The following SLBP variants were observed in gnomAD, a reference collection of about 807,000 sequenced individuals.
SLBP encodes the protein stem-loop histone mRNA binding protein.
In SLBP, 29 loss-of-function variants were observed where a neutral mutation model predicts 39.2. The observed-to-expected ratio is 0.74, with a 90% CI of 0.55 to 1.01. SLBP has a LOEUF of 1.01. Ranked by LOEUF, SLBP falls within the 50% of genes least tolerant of loss-of-function variation. The pLI, the probability that SLBP is intolerant of heterozygous loss-of-function variation, is 0.00. For synonymous variants in SLBP, 129 were observed against 118.7 expected (o/e 1.09, Z -0.57); for missense variants, 390 against 350.2 (o/e 1.11, Z -0.91).
chr4:1,700,217 C>T, intron 3 of SLBP, 147 bp from the exon 4 acceptor site: 1 of 450,650 alleles, frequency 2.2e-6, no homozygotes, highest in East Asian at 3.3e-5. Context: ...TTGTCAGGTT[C>T]AGTTTAAGTA....
Position 1,700,826 on chromosome 4 carries a change from A to G in SLBP, c.282-756T>C, listed in dbSNP as rs142331926. On this transcript the variant is annotated intron_variant, in intron 3 of 7. Coordinates refer to ENST00000489418, the MANE Select transcript of SLBP (RefSeq NM_006527.4). ...GCAATCCTCCCGCCTCAGCCTCTCA[A>G]AAGTACTGAGATCAGGAGTGAGCCA... Among the ~76,000 whole-genome samples, 834 of 152,202 alleles carry G rather than the reference A, an allele frequency of 5.5e-3. 12 individuals are homozygous for G. The highest frequency in any genetic ancestry group is 6.0e-3 in the Non-Finnish European group (405 of 68,014).
chr4:1,696,421 A>T lies in SLBP; in HGVS notation c.480-70T>A, dbSNP rs1247837856. On this transcript the variant is annotated intron_variant, in intron 5 of 7. Transcript: ENST00000489418. ...CATTTCCACATTAGCCTGAAGATTA[A>T]CCAAACTATGAGATTAGTATTATTT... is the stretch of plus-strand genomic sequence containing the variant. The T allele has an allele frequency of 3.1e-6, 4 of 1,282,444 alleles. No individual in the cohort carries two copies. The African/African-American group carries it at 6.1e-5, about 20-fold the overall frequency. The allele number at this position is 1,282,444 out of a possible 1,614,324, so 79.4% of individuals were successfully genotyped here. A position where few individuals can be genotyped will look rare whatever the true frequency, so the allele number is the denominator to read the frequency against.
intron 5 of SLBP, among the ~76,000 whole-genome samples, chr4:1,696,561 G>T (rs1245833655): frequency 6.6e-6 from 1 of 152,014 alleles, no homozygotes; most frequent in Admixed American, 6.6e-5. Flanking sequence ...GCAACACAGT[G>T]AGACCTCGTC....
intron 2 of SLBP, 102 bp downstream of exon 2, chr4:1,711,772 G>C (rs886065064): frequency 3.5e-6 from 2 of 567,902 alleles, no homozygotes; most frequent in African/African-American, 2.0e-5. Context: ...GCAGGGTGCC[G>C]ACCTGACCGA....
chr4:1,694,098 CTT>C (rs1716016579), intron 7 of SLBP, among the ~76,000 whole-genome samples: 1 of 152,188 alleles, frequency 6.6e-6, no homozygotes, highest in Non-Finnish European at 1.5e-5. Flanking sequence ...TTTCTTTTCT[CTT>C]GAGACAGAGT....
rs59715153 is a variant in SLBP, at chr4:1,697,158, T to TAAAA, written c.480-811_480-808dup. Among the ~76,000 whole-genome samples, 3 of 32,782 alleles carry TAAAA rather than the reference T, an allele frequency of 9.2e-5. 1 individual carries two copies. 21.5% of individuals were successfully genotyped at this position (32,782 alleles called of 152,430 possible). On this transcript the variant is annotated intron_variant, in intron 5 of 7. Coordinates refer to ENST00000489418, the MANE Select transcript of SLBP (RefSeq NM_006527.4). ...TGGTCAACAGAGCAAGACTCCACCT[T>TAAAA]AAAAAAAAAAAAAAAAAAAAAAAAA...
At chr4:1,711,597 G>A (rs1716773300) in intron 2 of SLBP, among the ~76,000 whole-genome samples, 2 of 152,222 alleles carry the variant, frequency 1.3e-5, no homozygotes, top group Admixed American at 1.3e-4. Flanking sequence ...CAGAGACCCT[G>A]ACCTCTCCCG....
At chr4:1,707,940 G>C (rs769683117) in intron 2 of SLBP, among the ~76,000 whole-genome samples, 1 of 152,098 alleles carries the variant, frequency 6.6e-6, no homozygotes, top group Admixed American at 6.6e-5. Context: ...TTAGCCAGGC[G>C]TGGTGGTGCG....
chr4:1,703,881 A>G (rs1468463929), intron 2 of SLBP, among the ~76,000 whole-genome samples, 181 bp from the exon 3 acceptor site: 1 of 152,194 alleles, frequency 6.6e-6, no homozygotes, highest in Non-Finnish European at 1.5e-5. Context: ...CATGGGCAAG[A>G]TAGTGAGACC....
intron 2 of SLBP, among the ~76,000 whole-genome samples, chr4:1,709,474 C>A (rs1002604333): frequency 6.6e-6 from 1 of 152,168 alleles, no homozygotes; most frequent in African/African-American, 2.4e-5. Context: ...TTGCAGGCTC[C>A]TAGTTAAGCC....
intron 5 of SLBP, among the ~76,000 whole-genome samples, chr4:1,699,192 C>A (rs1716234349): frequency 6.6e-6 from 1 of 152,194 alleles, no homozygotes; most frequent in Non-Finnish European, 1.5e-5. Flanking sequence ...CAAGAACATG[C>A]TGCTTAAAGA....
At chr4:1,705,482 T>C (rs1441933196) in intron 2 of SLBP, among the ~76,000 whole-genome samples, 1 of 152,234 alleles carries the variant, frequency 6.6e-6, no homozygotes, top group Non-Finnish European at 1.5e-5. Flanking sequence ...ACTAAGACTT[T>C]AGACTACTTG....
At chr4:1,698,588 G>A (rs527967934) in intron 5 of SLBP, among the ~76,000 whole-genome samples, 73 of 150,264 alleles carry the variant, frequency 4.9e-4, no homozygotes, top group African/African-American at 1.7e-3. Context: ...AGGTTCAAGT[G>A]ATTCTCCTGC....
intron 2 of SLBP, among the ~76,000 whole-genome samples, chr4:1,711,396 C>T (rs146922765): frequency 6.6e-6 from 1 of 152,270 alleles, no homozygotes; most frequent in East Asian, 1.9e-4. Context: ...ACTACGACCA[C>T]TGGCACCCCT....
chr4:1,700,677 A>G (rs1319328196), intron 3 of SLBP, among the ~76,000 whole-genome samples: 1 of 151,876 alleles, frequency 6.6e-6, no homozygotes, highest in Non-Finnish European at 1.5e-5. Flanking sequence ...ATCTCACCTC[A>G]GCCTCCCAAG....
At chr4:1,704,808 G>C (rs1215280559) in intron 2 of SLBP, among the ~76,000 whole-genome samples, 2 of 152,148 alleles carry the variant, frequency 1.3e-5, no homozygotes, top group Admixed American at 1.3e-4. Flanking sequence ...GGCCAGTGTA[G>C]ACTCCTCCAT....
At chr4:1,711,690 T>C (rs1241665900) in intron 2 of SLBP, among the ~76,000 whole-genome samples, 184 bp downstream of exon 2, 1 of 152,096 alleles carries the variant, frequency 6.6e-6, no homozygotes, top group South Asian at 2.1e-4. Flanking sequence ...GCTTCCGGAG[T>C]GTTCCAGCGC....
Position 1,711,865 on chromosome 4 carries a change from CG to C in SLBP, c.176+8del. Reference sequence around the variant, plus strand: ...CCACCGCGCCCCGACCCCCGGGTCCCGCGCCCACCTCTCGGGTCTGCGCTCG... The same window carrying C: ...CCACCGCGCCCCGACCCCCGGGTCCCCGCCCACCTCTCGGGTCTGCGCTCG... On this transcript the variant is annotated splice_region_variant and intron_variant, in intron 2 of 7. Transcript: ENST00000489418. 1 of 1,299,154 alleles carries C rather than the reference CG, an allele frequency of 7.7e-7. No homozygotes were observed. The highest frequency in any genetic ancestry group is 2.1e-5 in the South Asian group (1 of 48,738). The allele number at this position is 1,299,154 out of a possible 1,614,324, so 80.5% of individuals were successfully genotyped here.
chr4:1,697,219 G>A (rs1451752567), intron 5 of SLBP, among the ~76,000 whole-genome samples: 1 of 133,252 alleles, frequency 7.5e-6, no homozygotes, highest in Non-Finnish European at 1.6e-5. Flanking sequence ...TGTAATCCCA[G>A]CACTTTGGGA....
Sources: allele counts gnomAD v4.1 joint callset (sites outside exome capture counted in the v4.1 genomes callset), GRCh38; gene constraint gnomAD v4.1.1; transcripts MANE v1.5; gene names NCBI Gene and HGNC (gene_info 2026-07-23, HGNC 2026-07-21).